Variants in FHL3 observed in about 807,000 individuals in gnomAD.
The protein encoded by FHL3 is four and a half LIM domains 3.
FHL3 carries 21 observed loss-of-function variants against 34.3 expected under a neutral mutation model. The ratio of observed to expected loss-of-function variants is 0.61; its 90% CI spans 0.43 to 0.88. The LOEUF (loss-of-function observed/expected upper bound fraction) is 0.88. FHL3 is among the 40% of genes least tolerant of loss of function. The pLI, the probability that FHL3 is intolerant of heterozygous loss-of-function variation, is 0.00. For synonymous variants in FHL3, 137 were observed against 144.6 expected, an observed-to-expected ratio of 0.95 and a Z score of 0.38; for missense variants, 333 against 373.7, an observed-to-expected ratio of 0.89 and a Z score of 0.90.
chr1:37,998,799 C>T (rs534030814), intron 3 of FHL3, 175 bp downstream of exon 3: 130 of 638,990 alleles, frequency 2.0e-4, no homozygotes, highest in African/African-American at 1.9e-3. Flanking sequence ...TCTGCCTGTA[C>T]ATAGTAGCCC....
chr1:38,001,959 T>C (rs1646599673), intron 1 of FHL3, among the ~76,000 whole-genome samples: 3 of 152,206 alleles, frequency 2.0e-5, no homozygotes, highest in African/African-American at 7.2e-5. Context: ...GGCTTAAATG[T>C]GATGATACTT....
At chr1:38,004,193 A>G (rs1173716902) in intron 1 of FHL3, among the ~76,000 whole-genome samples, 2 of 152,146 alleles carry the variant, frequency 1.3e-5, no homozygotes, top group Non-Finnish European at 2.9e-5. Flanking sequence ...AAGATCCCGC[A>G]GCTGCTCTGG....
At chr1:38,003,668 C>A (rs1646616929) in intron 1 of FHL3, among the ~76,000 whole-genome samples, 3 of 152,164 alleles carry the variant, frequency 2.0e-5, no homozygotes, top group African/African-American at 7.2e-5. Context: ...GAGTATCATC[C>A]CCATTTTACA....
intron 1 of FHL3, among the ~76,000 whole-genome samples, chr1:38,004,397 C>T (rs1646623623): frequency 6.6e-6 from 1 of 152,122 alleles, no homozygotes; most frequent in Non-Finnish European, 1.5e-5. Context: ...TCTGTTTCCC[C>T]ACAGCCTCAC....
In FHL3 at chr1:37,997,363, T is replaced by C; in HGVS notation, c.*42A>G. 6.3e-7 allele frequency: 1 copy of C among 1,595,532 alleles called. No homozygotes were observed. The highest frequency in any genetic ancestry group is 8.5e-7 in the Non-Finnish European group (1 of 1,171,830). ...TGGTTTAGAAAAGGAGCCACAGTCC[T>C]GGGCCCGTGGTATGGGAAAGCCTGG... On this transcript the variant is annotated 3_prime_UTR_variant, in exon 6 of 6. Coordinates refer to ENST00000373016, the MANE Select transcript of FHL3 (RefSeq NM_004468.5). The surrounding 1 kb of genome is among the most constrained non-coding windows in gnomAD (Gnocchi z 4.3).
In FHL3 at chr1:37,997,927, C is replaced by G; in HGVS notation, c.501+36G>C. ...GTGGGGATTCCCACCCCACAACAGG[C>G]CTCACTCACCCCCACCTGGCTGGCC... On this transcript the variant is annotated intron_variant, in intron 4 of 5. Transcript: ENST00000373016. The surrounding 1 kb of genome is among the most constrained non-coding windows in gnomAD (Gnocchi z 4.3). 6.2e-7 allele frequency: 1 copy of G among 1,613,880 alleles called. No individual in the cohort carries two copies. The highest frequency in any genetic ancestry group is 1.1e-5 in the South Asian group (1 of 91,076).
intron 1 of FHL3, among the ~76,000 whole-genome samples, chr1:38,001,880 T>C (rs1646599098): frequency 6.6e-6 from 1 of 152,254 alleles, no homozygotes; most frequent in African/African-American, 2.4e-5. Context: ...CTTGGGCAAA[T>C]CCCTAAGCCT....
chr1:37,997,857 C>T lies in FHL3; in HGVS notation c.515G>A (p.Gly172Asp). 1 of 1,613,820 alleles carries T rather than the reference C, an allele frequency of 6.2e-7. No homozygotes were observed. Among genetic ancestry groups the T allele is most frequent in the Non-Finnish European group, 8.5e-7 (1 of 1,179,744 alleles). Residue 172 changes from glycine (G) to aspartate (D), a missense_variant, in exon 5 of 6, where the codon GGT (glycine) becomes GAT (aspartate). Physicochemically the swap from Gly to Asp is moderately conservative, Grantham distance 94. Transcript: ENST00000373016. This position sits in a 1 kb window ranked among gnomAD's most constrained non-coding sequence, Gnocchi z 4.3. ...CGGCTGATCACGGTATGTCACTCCA[C>T]CCTGTGTCAGCGTCTGTGGGGGCAG... ...CARCSKTLTQ[G>D]GVTYRDQPWH...
intron 1 of FHL3, among the ~76,000 whole-genome samples, chr1:37,999,844 C>G (rs1646575779): frequency 6.6e-6 from 1 of 152,230 alleles, no homozygotes; most frequent in Non-Finnish European, 1.5e-5. Context: ...CCACCCTCTC[C>G]TGACTCCCAG....
At chr1:38,001,666 C>T (rs896915150) in intron 1 of FHL3, among the ~76,000 whole-genome samples, 2 of 152,198 alleles carry the variant, frequency 1.3e-5, no homozygotes, top group Non-Finnish European at 2.9e-5. Flanking sequence ...GTATTCCTTC[C>T]TGACCGGCAG....
At position 38,000,553 on chromosome 1, in the gene FHL3, G is replaced by A. The variant is rs539075360; in HGVS notation, c.-20-1121C>T. On this transcript the variant is annotated intron_variant, in intron 1 of 5. Transcript: ENST00000373016. The stretch of plus-strand genomic sequence containing the variant: ...GGAGTAGGACAAGGGGGAGCCCTGA[G>A]AGCTGCTGCTGGAGACACCCAGCCC... Among the ~76,000 whole-genome samples, 4 of 152,266 alleles carry A rather than the reference G, an allele frequency of 2.6e-5. No homozygotes were observed. The East Asian group carries it at 7.7e-4, about 29-fold the overall frequency.
chr1:37,999,838 C>A (rs1460374462), intron 1 of FHL3, among the ~76,000 whole-genome samples: 1 of 152,198 alleles, frequency 6.6e-6, no homozygotes, highest in South Asian at 2.1e-4. Flanking sequence ...GTACTCCCAC[C>A]CTCTCCTGAC....
intron 2 of FHL3, 50 bp downstream of exon 2, chr1:37,999,207 C>G (rs769635619): frequency 1.3e-5 from 21 of 1,613,740 alleles, no homozygotes; most frequent in South Asian, 5.5e-5. Flanking sequence ...TCCTTTGCCC[C>G]CTTCCACTGG....
rs528069722 is a variant in FHL3 at position 37,997,131 on chromosome 1, C to G, written c.*274G>C. ...AGAGCCCTGATTTGGGGAGAGGACT[C>G]AGTCTGGGAACCCAGACTGCAGGGG... is the stretch of plus-strand genomic sequence containing the variant. On this transcript the variant is annotated 3_prime_UTR_variant, in exon 6 of 6. Coordinates refer to ENST00000373016, the MANE Select transcript of FHL3 (RefSeq NM_004468.5). The surrounding 1 kb of genome is among the most constrained non-coding windows in gnomAD (Gnocchi z 4.3). 3 of 404,670 alleles carry G rather than the reference C, an allele frequency of 7.4e-6. No individual in the cohort carries two copies. The South Asian group carries it at 1.0e-4, about 14-fold the overall frequency. The allele number at this position is 404,670 out of a possible 1,614,324, so 25.1% of individuals were successfully genotyped here.
At position 37,999,015 on chromosome 1, in the gene FHL3, A is replaced by T; in HGVS notation, c.290T>A (p.Phe97Tyr). The T allele has an allele frequency of 1.2e-6, 2 of 1,614,260 alleles. No individual in the cohort carries two copies. The highest frequency in any genetic ancestry group is 1.7e-6 in the Non-Finnish European group (2 of 1,180,046). ...CCCACAAGCGGAGCACTGCGAGGAAAACGCACTGCAGTAGCAGTCATTGCA... is the reference window on the plus strand; with the variant it reads ...CCCACAAGCGGAGCACTGCGAGGAATACGCACTGCAGTAGCAGTCATTGCA... ...LLCNDCYCSAFSSQCSACGET... is the reference protein window; with the variant it reads ...LLCNDCYCSAYSSQCSACGET... Residue 97 changes from phenylalanine to tyrosine, a missense_variant, in exon 3 of 6, where the codon TTT (phenylalanine) becomes TAT (tyrosine). Phe to Tyr is a conservative substitution (Grantham distance 22). Transcript: ENST00000373016.
intron 1 of FHL3, among the ~76,000 whole-genome samples, chr1:38,003,698 G>A (rs1377155202): frequency 3.3e-5 from 5 of 152,198 alleles, no homozygotes; most frequent in Non-Finnish European, 7.3e-5. Context: ...AAGGAGGCCA[G>A]GAATAGAGCA....
At chr1:37,998,237 G>A (rs550454324) in intron 3 of FHL3, 105 bp from the exon 4 acceptor site, 2 of 994,788 alleles carry the variant, frequency 2.0e-6, no homozygotes, top group African/African-American at 1.6e-5. Flanking sequence ...CGTGAGCAGG[G>A]TGGTGTCCGT....
rs375305856 is a variant in FHL3, at chr1:37,997,982, C to T, written c.482G>A (p.Arg161His). Residue 161 changes from arginine to histidine, a missense_variant, in exon 4 of 6, where the codon CGC becomes CAC. Physicochemically the swap from Arg to His is conservative, Grantham distance 29. Transcript: ENST00000373016. This position sits in a 1 kb window ranked among gnomAD's most constrained non-coding sequence, Gnocchi z 4.3. ...CCCCACCTTGCTGCAGCGGGCGCAG[C>T]GAGGAGCAAACTTGTTCTCATAGCA... ...VPCYENKFAP[R>H]CARCSKTLTQ... is the part of the protein sequence containing the mutation. 22 of 1,614,000 alleles carry T rather than the reference C, an allele frequency of 1.4e-5. No individual in the cohort carries two copies. Among genetic ancestry groups the T allele is most frequent in the African/African-American group, 1.2e-4 (9 of 74,914 alleles).
At chr1:37,998,770 T>A in intron 3 of FHL3, 1 of 589,160 alleles carries the variant, frequency 1.7e-6, no homozygotes, top group East Asian at 2.8e-5. Context: ...AGCCCCCAAG[T>A]ATGTATCACA....
Sources: gnomAD v4.1 joint callset for allele counts (sites outside exome capture counted in the v4.1 genomes callset) on GRCh38, gnomAD v4.1.1 for gene constraint, Gnocchi (gnomAD v3.1) non-coding constraint, MANE v1.5 for transcripts, NCBI Gene and HGNC (gene_info 2026-07-23, HGNC 2026-07-21) for gene names.